Variants in PCDHAC1 observed in about 807,000 individuals in gnomAD.
PCDHAC1 encodes the protein protocadherin alpha-C1.
Under a neutral mutation model 60.0 loss-of-function variants are expected in PCDHAC1, and 42 were observed. The ratio of observed to expected loss-of-function variants is 0.70; its 90% confidence interval spans 0.55 to 0.90. The LOEUF (loss-of-function observed/expected upper bound fraction) is 0.90. Ranked by LOEUF, PCDHAC1 falls within the 40% of genes least tolerant of loss-of-function variation. The pLI, the probability that PCDHAC1 is intolerant of heterozygous loss-of-function variation, is 0.00. For missense variants in PCDHAC1, 1,160 were observed against 1,222.3 expected, an observed-to-expected ratio of 0.95 and a Z score of 0.76; for synonymous variants, 468 against 499.3, an observed-to-expected ratio of 0.94 and a Z score of 0.84.
rs182574783 is a variant in PCDHAC1, at chr5:140,952,922, G to A, written c.2433+23597G>A. Among the ~76,000 whole-genome samples the A allele has an allele frequency of 2.3e-3, 351 of 152,216 alleles. 2 individuals carry two copies. Among genetic ancestry groups the A allele is most frequent in the Admixed American group, 5.6e-3 (85 of 15,264 alleles). Reference sequence around the variant, plus strand: ...ATCAAGCTCATCTTACATGGCATGAGCAGGAGCAGGAGCAAGAGAGAGAGA... The same window carrying A: ...ATCAAGCTCATCTTACATGGCATGAACAGGAGCAGGAGCAAGAGAGAGAGA... On this transcript the variant is annotated intron_variant, in intron 1 of 3. Transcript: ENST00000253807.
chr5:140,941,198 T>TC (rs1563184066), intron 1 of PCDHAC1, among the ~76,000 whole-genome samples: 3 of 119,812 alleles, frequency 2.5e-5, no homozygotes, highest in African/African-American at 1.0e-4. Flanking sequence ...TTTTTTTCTT[T>TC]CTTCCTTTCT....
At chr5:140,944,292 A>G (rs1330492011) in intron 1 of PCDHAC1, among the ~76,000 whole-genome samples, 1 of 152,090 alleles carries the variant, frequency 6.6e-6, no homozygotes, top group Non-Finnish European at 1.5e-5. Context: ...GGCTCAAGCG[A>G]TCCTCCTACC....
intron 1 of PCDHAC1, chr5:140,967,218 C>G: frequency 6.2e-7 from 1 of 1,613,744 alleles, no homozygotes; most frequent in Non-Finnish European, 8.5e-7. Flanking sequence ...TTCCCGCGGC[C>G]CAACTACCAG....
chr5:140,973,815 A>G (rs2096603789), intron 1 of PCDHAC1, among the ~76,000 whole-genome samples: 1 of 152,224 alleles, frequency 6.6e-6, no homozygotes, highest in Admixed American at 6.5e-5. Flanking sequence ...CAGAATAGCA[A>G]AGTCAGTTCT....
intron 3 of PCDHAC1, among the ~76,000 whole-genome samples, chr5:140,997,793 T>G (rs2097785892): frequency 6.6e-6 from 1 of 152,112 alleles, no homozygotes; most frequent in Non-Finnish European, 1.5e-5. Context: ...ATATTATAAT[T>G]TATCCAATTT....
intron 1 of PCDHAC1, among the ~76,000 whole-genome samples, chr5:140,935,606 T>C (rs531169810): frequency 6.6e-6 from 1 of 152,352 alleles, no homozygotes; most frequent in East Asian, 1.9e-4. Flanking sequence ...GAGCTAGGCT[T>C]TTTTCAAGTC....
At chr5:140,967,652 T>A in intron 1 of PCDHAC1, 1 of 1,614,152 alleles carries the variant, frequency 6.2e-7, no homozygotes, top group South Asian at 1.1e-5. Flanking sequence ...CAGGTACTCC[T>A]TGAGCAGCTA....
rs116232949 is a variant in PCDHAC1, at chr5:140,982,448, G to A, written c.2493-27G>A. The A allele has an allele frequency of 4.0e-3, 6,396 of 1,613,770 alleles. 180 individuals carry two copies. In the African/African-American group the frequency reaches 0.067, roughly 17 times the overall value. ...ATGGGAAAGAATTTATGATCTAACC[G>A]TTATCTGGGTCTGTGTGTTTATTCA... On this transcript the variant is annotated intron_variant, in intron 2 of 3. Coordinates refer to ENST00000253807, the MANE Select transcript of PCDHAC1 (RefSeq NM_018898.5).
At chr5:140,982,192 G>A (rs1390222750) in intron 2 of PCDHAC1, among the ~76,000 whole-genome samples, 4 of 152,230 alleles carry the variant, frequency 2.6e-5, no homozygotes, top group Non-Finnish European at 4.4e-5. Context: ...TGGGCTTCCT[G>A]TTAGATTTAG....
rs1194923615 is a variant in PCDHAC1 at position 140,927,004 on chromosome 5, A to C, written c.112A>C (p.Asn38His). The C allele has an allele frequency of 6.2e-7, 1 of 1,612,238 alleles. No homozygotes were observed. The highest frequency in any genetic ancestry group is 8.5e-7 in the Non-Finnish European group (1 of 1,178,902). ...GACGGAGCGGGGCGTAGCCGTAGGC[A>C]ATCTCTCCGCGGACTTGAGGCTGCC... The part of the protein sequence containing the change: ...EETERGVAVG[N>H]LSADLRLPAA... Residue 38 changes from asparagine (N) to histidine (H), a missense_variant, in exon 1 of 4, where the codon AAT becomes CAT. Coordinates refer to ENST00000253807, the MANE Select transcript of PCDHAC1 (RefSeq NM_018898.5).
chr5:140,968,951 A>G, intron 1 of PCDHAC1: 4 of 1,614,228 alleles, frequency 2.5e-6, no homozygotes, highest in Non-Finnish European at 3.4e-6. Context: ...TTTGAGCATC[A>G]TCAAGTGCTA....
At chr5:140,954,947 T>G (rs2153704420) in intron 1 of PCDHAC1, among the ~76,000 whole-genome samples, 1 of 152,360 alleles carries the variant, frequency 6.6e-6, no homozygotes, top group South Asian at 2.1e-4. Flanking sequence ...AGTTAATTTT[T>G]GTATAAGATG....
At chr5:140,953,092 G>A (rs141861684) in intron 1 of PCDHAC1, among the ~76,000 whole-genome samples, 2 of 152,252 alleles carry the variant, frequency 1.3e-5, no homozygotes, top group South Asian at 2.1e-4. Context: ...ATTACAATTT[G>A]ACATGAGATT....
At chr5:140,987,262 G>A (rs563934474) in intron 3 of PCDHAC1, among the ~76,000 whole-genome samples, 1 of 151,978 alleles carries the variant, frequency 6.6e-6, no homozygotes, top group South Asian at 2.1e-4. Context: ...TCTCAGGAAT[G>A]GGACCCGGCA....
chr5:140,980,608 G>A (rs994415170), intron 2 of PCDHAC1, among the ~76,000 whole-genome samples: 6 of 151,850 alleles, frequency 4.0e-5, no homozygotes, highest in African/African-American at 7.3e-5. Context: ...CCAGCCTGGC[G>A]ACAGTGCGAG....
chr5:140,963,543 T>C (rs1390082859), intron 1 of PCDHAC1, among the ~76,000 whole-genome samples: 2 of 152,238 alleles, frequency 1.3e-5, no homozygotes, highest in East Asian at 1.9e-4. Flanking sequence ...TACTTCATGA[T>C]ATAAAAAGGG....
chr5:140,971,452 T>G (rs1554233345), intron 1 of PCDHAC1, among the ~76,000 whole-genome samples: 1 of 152,088 alleles, frequency 6.6e-6, no homozygotes, highest in Admixed American at 6.5e-5. Context: ...CTCCAGAAAT[T>G]TTTGCAGTTA....
At chr5:141,009,104 T>G (rs2098399543) in intron 3 of PCDHAC1, among the ~76,000 whole-genome samples, 1 of 152,220 alleles carries the variant, frequency 6.6e-6, no homozygotes, top group Non-Finnish European at 1.5e-5. Flanking sequence ...CATATGTTAC[T>G]ATGAAACTAG....
chr5:140,945,041 C>T (rs2093729370), intron 1 of PCDHAC1, among the ~76,000 whole-genome samples: 1 of 151,978 alleles, frequency 6.6e-6, no homozygotes, highest in African/African-American at 2.4e-5. Flanking sequence ...TATCTTTGGT[C>T]TTATATAAAG....
Sources: allele counts gnomAD v4.1 joint callset (sites outside exome capture counted in the v4.1 genomes callset), GRCh38; gene constraint gnomAD v4.1.1; transcripts MANE v1.5; gene names NCBI Gene and HGNC (gene_info 2026-07-23, HGNC 2026-07-21).